ARHGEF11: variants seen among roughly 807,000 people sequenced by gnomAD.
ARHGEF11 encodes the protein Rho guanine exchange factor (GEF) 11.
A neutral mutation model predicts 193.7 loss-of-function variants in ARHGEF11; 55 were observed. That is an observed-to-expected ratio of 0.28 (90% CI 0.23 to 0.36). ARHGEF11 has a LOEUF of 0.36. Among genes scored for constraint, ARHGEF11 ranks in the 10% least tolerant of loss-of-function variants. The pLI is 1.00. For missense variants in ARHGEF11, 1,723 were observed against 2,005.6 expected (o/e 0.86, Z 2.69); for synonymous variants, 693 against 768.0 (o/e 0.90, Z 1.62).
chr1:157,041,206 C>T (rs1672704919), intron 1 of ARHGEF11, among the ~76,000 whole-genome samples: 1 of 152,174 alleles, frequency 6.6e-6, no homozygotes, highest in African/African-American at 2.4e-5. Context: ...ATGACCACTC[C>T]TGTAAAAATA....
chr1:156,982,441 G>A (rs926910817), intron 3 of ARHGEF11, among the ~76,000 whole-genome samples: 2 of 152,146 alleles, frequency 1.3e-5, no homozygotes, highest in Non-Finnish European at 2.9e-5. Flanking sequence ...AACCTAATAT[G>A]TATCTGGAAA....
At chr1:156,998,378 T>A (rs1201010137) in intron 1 of ARHGEF11, among the ~76,000 whole-genome samples, 1 of 152,242 alleles carries the variant, frequency 6.6e-6, no homozygotes, top group African/African-American at 2.4e-5. Flanking sequence ...GCCGAAGCTA[T>A]GCCCAGGAAT....
intron 1 of ARHGEF11, among the ~76,000 whole-genome samples, chr1:157,040,865 G>A (rs917419704): frequency 1.3e-5 from 2 of 152,190 alleles, no homozygotes; most frequent in Non-Finnish European, 1.5e-5. Context: ...GCTTGTGAGA[G>A]AGATGAAACA....
rs778908742 is a variant in ARHGEF11 at position 157,011,458 on chromosome 1, C to CA, written c.33-25286dup. Among the ~76,000 whole-genome samples the CA allele has an allele frequency of 8.6e-5, 13 of 151,432 alleles. No homozygotes were observed. The East Asian group carries it at 1.9e-3, about 23-fold the overall frequency. Reference sequence around the variant, plus strand: ...CTAGATATGACACCAAAAGCATACGCAAAAAAAGAAAAAATATATAAAAAC... The same window carrying CA: ...CTAGATATGACACCAAAAGCATACGCAAAAAAAAGAAAAAATATATAAAAAC... On this transcript the variant is annotated intron_variant, in intron 1 of 40. Transcript: ENST00000368194.
At chr1:157,044,156 T>G in intron 1 of ARHGEF11, 143 bp downstream of exon 1, 1 of 755,992 alleles carries the variant, frequency 1.3e-6, no homozygotes, top group Non-Finnish European at 2.3e-6. Context: ...AGGCTGACAG[T>G]CCCCAGAGAC....
intron 1 of ARHGEF11, among the ~76,000 whole-genome samples, chr1:157,024,896 T>C (rs181493922): frequency 4.7e-4 from 71 of 152,360 alleles, no homozygotes; most frequent in Admixed American, 1.5e-3. Context: ...TTGAACCCCT[T>C]GTGTATTCAC....
intron 1 of ARHGEF11, among the ~76,000 whole-genome samples, chr1:157,019,340 T>G (rs1391042049): frequency 1.3e-5 from 2 of 152,224 alleles, no homozygotes; most frequent in Non-Finnish European, 2.9e-5. Flanking sequence ...AATAAGATGT[T>G]ACTATGTATG....
At position 156,944,097 on chromosome 1, in the gene ARHGEF11, G is replaced by A; in HGVS notation, c.3073C>T (p.His1025Tyr). 1 of 1,613,440 alleles carries A rather than the reference G, an allele frequency of 6.2e-7. No individual in the cohort carries two copies. Among genetic ancestry groups the A allele is most frequent in the South Asian group, 1.1e-5 (1 of 90,992 alleles). The change falls in exon 32 of 41, where the codon CAC (histidine) becomes TAC (tyrosine). Residue 1025 changes from histidine (H) to tyrosine (Y), a missense_variant. Coordinates refer to ENST00000368194, the MANE Select transcript of ARHGEF11 (RefSeq NM_198236.3). ...RISKDKTLDL[H>Y]VLLLEDLLVL... The stretch of plus-strand genomic sequence containing the variant: ...AGGAGGTCCTCCAGCAGCAGCACGT[G>A]GAGGTCTGGAGGGGTATGGTCATGG...
At chr1:156,996,938 T>C (rs1666602639) in intron 1 of ARHGEF11, among the ~76,000 whole-genome samples, 1 of 148,814 alleles carries the variant, frequency 6.7e-6, no homozygotes, top group Non-Finnish European at 1.5e-5. Context: ...AATAGTTCAC[T>C]GAAACCTCCA....
chr1:156,977,962 C>T (rs1186998649), intron 6 of ARHGEF11, among the ~76,000 whole-genome samples: 1 of 152,228 alleles, frequency 6.6e-6, no homozygotes, highest in African/African-American at 2.4e-5. Context: ...ATTTAGGAAA[C>T]ACACAATGTT....
At chr1:156,967,025 G>T (rs1338942609) in intron 11 of ARHGEF11, among the ~76,000 whole-genome samples, 1 of 152,204 alleles carries the variant, frequency 6.6e-6, no homozygotes, top group African/African-American at 2.4e-5. Flanking sequence ...GATGTCTTAA[G>T]AAAGAGGCTC....
Position 156,935,931 on chromosome 1 carries a change from C to A in ARHGEF11, c.*69G>T. On this transcript the variant is annotated 3_prime_UTR_variant, in exon 41 of 41. Coordinates refer to ENST00000368194, the MANE Select transcript of ARHGEF11 (RefSeq NM_198236.3). ...GAGGAGTGTTGGGATCCCCCCTACC[C>A]TGTGCCCCGGTCTCAGGCCAGTCCC... 1 of 1,533,716 alleles carries A rather than the reference C, an allele frequency of 6.5e-7. No individual in the cohort carries two copies. Among genetic ancestry groups the A allele is most frequent in the Non-Finnish European group, 8.9e-7 (1 of 1,124,628 alleles).
rs1158690675 is a variant in ARHGEF11 at position 156,948,308 on chromosome 1, G to A, written c.2105+11C>T. The stretch of plus-strand genomic sequence containing the variant: ...GATGTCCATGGGTGCAGCCGTTGTA[G>A]CCCTGCCCACCTGGTGGAGAGGCTG... On this transcript the variant is annotated intron_variant, in intron 23 of 40. Transcript: ENST00000368194. The surrounding 1 kb of genome is among the most constrained non-coding windows in gnomAD (Gnocchi z 4.2). The A allele has an allele frequency of 6.2e-7, 1 of 1,613,564 alleles. No individual in the cohort carries two copies. Among genetic ancestry groups the A allele is most frequent in the South Asian group, 1.1e-5 (1 of 91,076 alleles).
chr1:157,001,637 C>T (rs567758096), intron 1 of ARHGEF11, among the ~76,000 whole-genome samples: 4 of 152,218 alleles, frequency 2.6e-5, no homozygotes, highest in Non-Finnish European at 5.9e-5. Flanking sequence ...CTTTGCAGAT[C>T]TAGATCACAC....
At chr1:156,941,745 C>A in intron 34 of ARHGEF11, 119 bp downstream of exon 34, 11 of 1,427,926 alleles carry the variant, frequency 7.7e-6, no homozygotes, top group Non-Finnish European at 1.0e-5. Context: ...GCTGTCTGCT[C>A]CCTGCTAGCA....
At chr1:157,016,798 A>ATTAT (rs148884718) in intron 1 of ARHGEF11, among the ~76,000 whole-genome samples, 1,936 of 149,322 alleles carry the variant, frequency 0.013, 36 homozygotes, top group African/African-American at 0.043. Context: ...TAGAGTTTTT[A>ATTAT]TTATTTATTT....
chr1:156,941,352 G>C lies in ARHGEF11; in HGVS notation c.3514+20C>G. 1.2e-6 allele frequency: 2 copies of C among 1,613,462 alleles called. No homozygotes were observed. Among genetic ancestry groups the C allele is most frequent in the Non-Finnish European group, 1.7e-6 (2 of 1,179,588 alleles). On this transcript the variant is annotated intron_variant, in intron 35 of 40. Transcript: ENST00000368194. ...AAAAAGGCCTGGGCTGGCTCCCACA[G>C]GACAGTTCAGGGCCCTTACCTCCAG... is the stretch of plus-strand genomic sequence containing the variant.
At chr1:156,943,380 T>C (rs768670075) in intron 32 of ARHGEF11, among the ~76,000 whole-genome samples, 1 of 152,190 alleles carries the variant, frequency 6.6e-6, no homozygotes, top group Non-Finnish European at 1.5e-5. Context: ...TAAAACTTTT[T>C]CATACCCGTC....
At chr1:156,986,563 AG>A (rs34679929) in intron 1 of ARHGEF11, among the ~76,000 whole-genome samples, 1 of 152,186 alleles carries the variant, frequency 6.6e-6, no homozygotes, top group African/African-American at 2.4e-5. Context: ...AGAAAAAGAC[AG>A]GGAAAAAACA....
Sources: gnomAD v4.1 joint callset for allele counts (sites outside exome capture counted in the v4.1 genomes callset) on GRCh38, gnomAD v4.1.1 for gene constraint, Gnocchi (gnomAD v3.1) non-coding constraint, MANE v1.5 for transcripts, NCBI Gene and HGNC (gene_info 2026-07-23, HGNC 2026-07-21) for gene names.